The following RBKS variants were observed in gnomAD, a reference collection of about 807,000 sequenced individuals.
RBKS encodes ribokinase.
RBKS carries 33 observed loss-of-function variants against 33.9 expected under a neutral mutation model. The observed-to-expected ratio is 0.97, with a 90% CI of 0.74 to 1.30. The LOEUF (loss-of-function observed/expected upper bound fraction) is 1.30, where lower values mean the gene tolerates loss of function less well. Ranked by LOEUF, RBKS falls within the 50% of genes most tolerant of loss-of-function variation. The pLI is 0.00. For missense variants in RBKS, 361 were observed against 392.6 expected (o/e 0.92, Z 0.68); for synonymous variants, 125 against 143.0 (o/e 0.87, Z 0.90).
chr2:27,849,730 G>C (rs1024288971), intron 2 of RBKS, among the ~76,000 whole-genome samples: 16 of 152,094 alleles, frequency 1.1e-4, no homozygotes, highest in African/African-American at 3.6e-4. Context: ...GTCCACTTTG[G>C]TAACTGGATC....
intron 7 of RBKS, among the ~76,000 whole-genome samples, chr2:27,793,654 G>A (rs781140947): frequency 1.2e-4 from 18 of 152,190 alleles, no homozygotes; most frequent in Non-Finnish European, 2.1e-4. Context: ...AAAGTAACAC[G>A]TAGTCTTGGA....
Position 27,843,103 on chromosome 2 carries a change from A to G in RBKS, c.478T>C (p.Ser160Pro). The G allele has an allele frequency of 1.9e-6, 3 of 1,608,060 alleles. No individual in the cohort carries two copies. Among genetic ancestry groups the G allele is most frequent in the African/African-American group, 1.3e-5 (1 of 74,816 alleles). Residue 160 changes from serine to proline, a missense_variant, in exon 5 of 8, where the codon TCT becomes CCT. Ser to Pro is a moderately conservative substitution (Grantham distance 74, BLOSUM62 -1). Transcript: ENST00000302188. The part of the protein sequence containing the change: ...VCQLEITPAT[S>P]LEALTMARRS... ...CGGGCCATTGTTAGGGCTTCCAAAG[A>G]AGTTGCTGGAGTTATTTCGAGCTGG...
intron 2 of RBKS, among the ~76,000 whole-genome samples, chr2:27,851,270 A>G (rs543695283): frequency 6.6e-6 from 1 of 151,842 alleles, no homozygotes; most frequent in South Asian, 2.1e-4. Flanking sequence ...ACTAAATCAA[A>G]CCTCACCTGT....
At chr2:27,830,530 C>T (rs1301086198) in intron 6 of RBKS, among the ~76,000 whole-genome samples, 2 of 152,156 alleles carry the variant, frequency 1.3e-5, no homozygotes, top group African/African-American at 2.4e-5. Context: ...TCCCAAAGTG[C>T]TGGGATTACA....
At chr2:27,860,213 G>A (rs1663946082) in intron 1 of RBKS, among the ~76,000 whole-genome samples, 1 of 152,172 alleles carries the variant, frequency 6.6e-6, no homozygotes, top group Non-Finnish European at 1.5e-5. Flanking sequence ...TGGTTTTAAT[G>A]TAATGTTATT....
intron 7 of RBKS, among the ~76,000 whole-genome samples, chr2:27,817,662 G>A (rs1159061849): frequency 6.6e-6 from 1 of 152,146 alleles, no homozygotes; most frequent in African/African-American, 2.4e-5. Context: ...ATTTAACTGA[G>A]GCTGCAGTAT....
At chr2:27,822,136 G>A (rs758366660) in intron 7 of RBKS, among the ~76,000 whole-genome samples, 9 of 152,270 alleles carry the variant, frequency 5.9e-5, no homozygotes, top group Non-Finnish European at 1.3e-4. Flanking sequence ...GGAAAGTCAC[G>A]GAGACTAGTA....
At chr2:27,820,612 A>C (rs1678184377) in intron 7 of RBKS, among the ~76,000 whole-genome samples, 1 of 150,910 alleles carries the variant, frequency 6.6e-6, no homozygotes, top group Non-Finnish European at 1.5e-5. Context: ...GGGTCTTGCT[A>C]TGTTGCCCAG....
intron 6 of RBKS, among the ~76,000 whole-genome samples, chr2:27,829,023 C>T (rs1235573042): frequency 1.3e-5 from 2 of 152,124 alleles, no homozygotes; most frequent in African/African-American, 4.8e-5. Context: ...CTCCCAAATA[C>T]TGGGACTCCA....
chr2:27,869,340 G>C (rs985209679), intron 1 of RBKS, among the ~76,000 whole-genome samples: 1 of 152,144 alleles, frequency 6.6e-6, no homozygotes, highest in Non-Finnish European at 1.5e-5. Context: ...TTAAGTGAAT[G>C]GACACTATGT....
chr2:27,870,430 T>C (rs888674675), intron 1 of RBKS: 19 of 172,994 alleles, frequency 1.1e-4, no homozygotes, highest in African/African-American at 4.3e-4. Flanking sequence ...CTAAAAGAAA[T>C]CTCCGGAGTG....
chr2:27,860,323 G>A (rs977976569), intron 1 of RBKS, among the ~76,000 whole-genome samples: 1 of 152,174 alleles, frequency 6.6e-6, no homozygotes, highest in African/African-American at 2.4e-5. Flanking sequence ...AGGCAATGAT[G>A]AGTAATCTGT....
chr2:27,796,434 C>T (rs1234305628), intron 7 of RBKS, among the ~76,000 whole-genome samples: 1 of 152,048 alleles, frequency 6.6e-6, no homozygotes, highest in African/African-American at 2.4e-5. Context: ...AATATAATAC[C>T]CATGTGGCTA....
At chr2:27,855,806 TAA>T (rs972910550) in intron 2 of RBKS, among the ~76,000 whole-genome samples, 1 of 152,232 alleles carries the variant, frequency 6.6e-6, no homozygotes, top group African/African-American at 2.4e-5. Flanking sequence ...TAGCTCAATA[TAA>T]GTTTGTTTGG....
intron 1 of RBKS, among the ~76,000 whole-genome samples, chr2:27,859,870 A>G (rs976437637): frequency 3.3e-5 from 5 of 152,234 alleles, no homozygotes; most frequent in African/African-American, 1.2e-4. Context: ...CAGAGCAATG[A>G]CAAGTCCTAA....
intron 2 of RBKS, among the ~76,000 whole-genome samples, chr2:27,855,361 G>C (rs1663836407): frequency 6.6e-6 from 1 of 152,190 alleles, no homozygotes; most frequent in Non-Finnish European, 1.5e-5. Context: ...TCCTGACCTG[G>C]GTCATTTGGG....
intron 1 of RBKS, among the ~76,000 whole-genome samples, chr2:27,883,351 C>T (rs527740552): frequency 2.6e-5 from 4 of 152,294 alleles, no homozygotes; most frequent in African/African-American, 9.6e-5. Flanking sequence ...AGGCGTCTGC[C>T]ACCACGCCCA....
rs963797842 is a variant in RBKS, at chr2:27,790,919, C to T, written c.796-9131G>A. On this transcript the variant is annotated intron_variant, in intron 7 of 7. Coordinates refer to ENST00000302188, the MANE Select transcript of RBKS (RefSeq NM_022128.3). ...TAAAACCCAGCAATTCTATTCCTAG[C>T]TATTTATCCAAAAGAAATGAAAGTA... Among the ~76,000 whole-genome samples the T allele has an allele frequency of 5.9e-5, 9 of 152,270 alleles. No individual in the cohort carries two copies. The East Asian group carries it at 1.7e-3, about 29-fold the overall frequency.
Position 27,816,207 on chromosome 2 carries a change from G to A in RBKS, c.795+11360C>T, listed in dbSNP as rs560292451. ...CTGGGTATTCAACTGATCACACGCAGGATTAAGAAAGATAATTTAAAATAT... is the reference window on the plus strand; with the variant it reads ...CTGGGTATTCAACTGATCACACGCAAGATTAAGAAAGATAATTTAAAATAT... On this transcript the variant is annotated intron_variant, in intron 7 of 7. Transcript: ENST00000302188. 1.6e-4 allele frequency among the ~76,000 whole-genome samples: 25 copies of A among 152,326 alleles called. No individual in the cohort carries two copies. The South Asian group carries it at 2.5e-3, about 15-fold the overall frequency.
Sources: gnomAD v4.1 joint callset for allele counts (sites outside exome capture counted in the v4.1 genomes callset) on GRCh38, gnomAD v4.1.1 for gene constraint, MANE v1.5 for transcripts, NCBI Gene and HGNC (gene_info 2026-07-23, HGNC 2026-07-21) for gene names.